The following ERBB4 variants were observed in gnomAD, a reference collection of about 807,000 sequenced individuals.
ERBB4 encodes erb-b2 receptor tyrosine kinase 4, also known as receptor tyrosine-protein kinase erbB-4.
In ERBB4, 42 loss-of-function variants were observed where a neutral mutation model predicts 158.0. That is an observed-to-expected ratio of 0.27 (90% CI 0.21 to 0.34). The LOEUF (loss-of-function observed/expected upper bound fraction) is 0.34. Ranked by LOEUF, ERBB4 falls within the 10% of genes least tolerant of loss-of-function variation. The pLI, the probability that ERBB4 is intolerant of heterozygous loss-of-function variation, is 1.00. For missense variants in ERBB4, 1,333 were observed against 1,624.1 expected, an observed-to-expected ratio of 0.82 and a Z score of 3.08; for synonymous variants, 583 against 558.7, an observed-to-expected ratio of 1.04 and a Z score of -0.61.
At chr2:211,879,212 T>C (rs2078597678) in intron 3 of ERBB4, among the ~76,000 whole-genome samples, 1 of 151,832 alleles carries the variant, frequency 6.6e-6, no homozygotes, top group South Asian at 2.1e-4. Context: ...AAAGACAACA[T>C]AAAACAGGTT....
At chr2:211,561,716 A>C (rs1176164975) in intron 20 of ERBB4, 187 bp downstream of exon 20, 4 of 612,488 alleles carry the variant, frequency 6.5e-6, no homozygotes, top group Non-Finnish European at 1.2e-5. Flanking sequence ...ATAATCTAAA[A>C]ATATATATCA....
At chr2:211,451,971 C>A (rs1261029318) in intron 20 of ERBB4, among the ~76,000 whole-genome samples, 1 of 151,408 alleles carries the variant, frequency 6.6e-6, no homozygotes, top group Non-Finnish European at 1.5e-5. Flanking sequence ...TTTGTCTTAT[C>A]ATCACCATCA....
In ERBB4 at chr2:211,382,008, T is replaced by C; in HGVS notation, c.*1607A>G. On this transcript the variant is annotated 3_prime_UTR_variant, in exon 28 of 28. Transcript: ENST00000342788. ...AAATGATACATAATAATGATGGTTC[T>C]AGTACTGGATGCAGTATATGAAGAA... The C allele has an allele frequency of 4.4e-6, 1 of 229,272 alleles. No individual in the cohort carries two copies. Among genetic ancestry groups the C allele is most frequent in the Non-Finnish European group, 8.7e-6 (1 of 115,562 alleles). 14.2% of individuals were successfully genotyped at this position (229,272 alleles called of 1,614,324 possible). A position where few individuals can be genotyped will look rare whatever the true frequency, so the allele number is the denominator to read the frequency against.
intron 2 of ERBB4, among the ~76,000 whole-genome samples, chr2:211,994,604 A>C (rs2082154571): frequency 6.6e-6 from 1 of 152,156 alleles, no homozygotes; most frequent in African/African-American, 2.4e-5. Context: ...TAAAGCATAC[A>C]TTTACATTTT....
chr2:212,474,822 C>CTTTTTTT (rs539959668), intron 1 of ERBB4, among the ~76,000 whole-genome samples: 9,429 of 93,904 alleles, frequency 0.1, 1,352 homozygotes, highest in Non-Finnish European at 0.14. Flanking sequence ...CCCGGCCATT[C>CTTTTTTT]TTTTTTTTTT....
intron 1 of ERBB4, among the ~76,000 whole-genome samples, chr2:212,344,256 G>A (rs2088864186): frequency 6.6e-6 from 1 of 152,102 alleles, no homozygotes; most frequent in African/African-American, 2.4e-5. Context: ...ATTCTTTGTT[G>A]TGGGGACTAT....
intron 1 of ERBB4, among the ~76,000 whole-genome samples, chr2:212,303,052 C>A (rs1313366334): frequency 6.7e-6 from 1 of 149,608 alleles, no homozygotes; most frequent in South Asian, 2.1e-4. Flanking sequence ...AAAGAAAGAC[C>A]TAAGTTTATT....
intron 3 of ERBB4, among the ~76,000 whole-genome samples, chr2:211,806,619 A>G (rs1165711714): frequency 6.6e-6 from 1 of 152,190 alleles, no homozygotes; most frequent in Non-Finnish European, 1.5e-5. Context: ...GATTGGTGAC[A>G]TAAAACTGAG....
chr2:212,158,994 TA>T (rs2125643750), intron 1 of ERBB4, among the ~76,000 whole-genome samples: 2 of 152,128 alleles, frequency 1.3e-5, no homozygotes, highest in Admixed American at 1.3e-4. Context: ...ATGTTCTTAA[TA>T]AAGAGTCTAC....
intron 20 of ERBB4, among the ~76,000 whole-genome samples, chr2:211,557,158 A>T (rs909423338): frequency 6.6e-6 from 1 of 152,184 alleles, no homozygotes; most frequent in Non-Finnish European, 1.5e-5. Flanking sequence ...AAACTATAAA[A>T]ACCATGGAAG....
chr2:212,388,257 T>A (rs1182469123), intron 1 of ERBB4, among the ~76,000 whole-genome samples: 3 of 152,130 alleles, frequency 2.0e-5, no homozygotes, highest in Non-Finnish European at 2.9e-5. Flanking sequence ...AACTCAGAAG[T>A]ACTAATAGGT....
intron 2 of ERBB4, among the ~76,000 whole-genome samples, chr2:211,959,207 T>C (rs1309467176): frequency 2.6e-5 from 4 of 152,068 alleles, no homozygotes; most frequent in African/African-American, 9.7e-5. Context: ...TTGAGAAACA[T>C]TGTTCAAGTT....
Position 212,331,058 on chromosome 2 carries a change from G to GTATA in ERBB4, c.83-206159_83-206156dup. The stretch of plus-strand genomic sequence containing the variant: ...AGTAAGTTTCCCATATTTGTAATTT[G>GTATA]TATATATATATATACACATATATAT... On this transcript the variant is annotated intron_variant, in intron 1 of 27. Transcript: ENST00000342788. 1.5e-3 allele frequency among the ~76,000 whole-genome samples: 83 copies of GTATA among 56,310 alleles called. 6 individuals are homozygous for GTATA. The highest frequency in any genetic ancestry group is 2.9e-3 in the African/African-American group (74 of 25,304). 36.9% of individuals were successfully genotyped at this position (56,310 alleles called of 152,430 possible). A position where few individuals can be genotyped will look rare whatever the true frequency, so the allele number is the denominator to read the frequency against.
chr2:211,384,441 C>T (rs183515681), intron 27 of ERBB4, among the ~76,000 whole-genome samples: 195 of 152,122 alleles, frequency 1.3e-3, no homozygotes, highest in African/African-American at 4.5e-3. Context: ...AATATACAGA[C>T]AACTTAACTT....
rs116816314 is a variant in ERBB4 at position 211,405,826 on chromosome 2, A to G, written c.3135+14615T>C. ...AGACACACATTCCTATCTAATGACTATATCTACTTATGTTTTAAAATATTA... is the reference window on the plus strand; with the variant it reads ...AGACACACATTCCTATCTAATGACTGTATCTACTTATGTTTTAAAATATTA... On this transcript the variant is annotated intron_variant, in intron 25 of 27. Transcript: ENST00000342788. Among the ~76,000 whole-genome samples, 544 of 152,268 alleles carry G rather than the reference A, an allele frequency of 3.6e-3. 4 individuals carry two copies. The highest frequency in any genetic ancestry group is 0.013 in the African/African-American group (527 of 41,564).
At chr2:212,307,352 T>C (rs896908482) in intron 1 of ERBB4, among the ~76,000 whole-genome samples, 1 of 141,150 alleles carries the variant, frequency 7.1e-6, no homozygotes, top group Non-Finnish European at 1.5e-5. Flanking sequence ...CAGGCAAAAA[T>C]AAATCATGCT....
At chr2:212,450,154 A>G (rs2092423983) in intron 1 of ERBB4, among the ~76,000 whole-genome samples, 2 of 152,208 alleles carry the variant, frequency 1.3e-5, no homozygotes, top group Non-Finnish European at 2.9e-5. Context: ...GAAGAAGAAC[A>G]ATGGCAATAA....
intron 3 of ERBB4, among the ~76,000 whole-genome samples, chr2:211,854,040 C>A (rs758102919): frequency 3.3e-5 from 5 of 152,104 alleles, no homozygotes; most frequent in Non-Finnish European, 5.9e-5. Context: ...AACAGTAGAT[C>A]TTATCCACCC....
intron 20 of ERBB4, among the ~76,000 whole-genome samples, chr2:211,533,235 C>A (rs1285383634): frequency 6.6e-6 from 1 of 151,776 alleles, no homozygotes; most frequent in Non-Finnish European, 1.5e-5. Flanking sequence ...TAAACTATTT[C>A]TTTTCTTTTA....
Sources: allele counts gnomAD v4.1 joint callset (sites outside exome capture counted in the v4.1 genomes callset), GRCh38; gene constraint gnomAD v4.1.1; transcripts MANE v1.5; gene names NCBI Gene and HGNC (gene_info 2026-07-23, HGNC 2026-07-21).